Variants in NECTIN1 observed in about 807,000 individuals in gnomAD.
NECTIN1 encodes nectin cell adhesion molecule 1.
Under a neutral mutation model 48.0 loss-of-function variants are expected in NECTIN1, and 23 were observed. The observed-to-expected ratio is 0.48, with a 90% CI of 0.34 to 0.68. NECTIN1 has a LOEUF of 0.68. NECTIN1 is among the 30% of genes least tolerant of loss of function. The pLI is 0.01. For missense variants in NECTIN1, 591 were observed against 709.9 expected, an observed-to-expected ratio of 0.83 and a Z score of 1.90; for synonymous variants, 270 against 288.9, an observed-to-expected ratio of 0.93 and a Z score of 0.66.
At chr11:119,675,631 G>A (rs1049293093) in intron 4 of NECTIN1, 6 of 318,940 alleles carry the variant, frequency 1.9e-5, no homozygotes, top group African/African-American at 6.4e-5. Flanking sequence ...GCCAATTCTC[G>A]GGACTCCTGG....
chr11:119,639,716 C>A (rs922542814), intron 6 of NECTIN1: 7 of 1,038,746 alleles, frequency 6.7e-6, no homozygotes, highest in African/African-American at 1.6e-5. Flanking sequence ...GCTCTTCCTG[C>A]CAAAGGGTTA....
intron 5 of NECTIN1, among the ~76,000 whole-genome samples, chr11:119,646,580 C>A (rs776711885): frequency 5.3e-5 from 8 of 152,124 alleles, no homozygotes; most frequent in Non-Finnish European, 8.8e-5. Flanking sequence ...GATGCCCCCA[C>A]CCCTTTGAGT....
At chr11:119,699,417 G>A (rs1227866549) in intron 1 of NECTIN1, among the ~76,000 whole-genome samples, 2 of 152,130 alleles carry the variant, frequency 1.3e-5, no homozygotes, top group Non-Finnish European at 2.9e-5. Flanking sequence ...CCCTCTCTCT[G>A]CGTCCTTCTC....
intron 1 of NECTIN1, among the ~76,000 whole-genome samples, chr11:119,688,321 C>A (rs537713215): frequency 1.3e-5 from 2 of 152,268 alleles, no homozygotes; most frequent in East Asian, 1.9e-4. Flanking sequence ...AAATCACGTG[C>A]TCTGGTTCCC....
intron 1 of NECTIN1, among the ~76,000 whole-genome samples, chr11:119,720,491 A>C (rs1487646564): frequency 6.6e-6 from 1 of 152,262 alleles, no homozygotes; most frequent in African/African-American, 2.4e-5. Context: ...GCACCTGCGA[A>C]AGCGTGGGCT....
intron 1 of NECTIN1, among the ~76,000 whole-genome samples, chr11:119,718,560 G>C (rs1452484720): frequency 1.1e-4 from 16 of 152,228 alleles, no homozygotes; most frequent in African/African-American, 2.9e-4. Flanking sequence ...CATAGGATCA[G>C]CTTGCTGAGC....
rs1565376384 is a variant in NECTIN1 at position 119,648,268 on chromosome 11, G to GTGGTGGTGGTGA, written c.1004-8257_1004-8256insTCACCACCACCA. 1.8e-4 allele frequency among the ~76,000 whole-genome samples: 4 copies of GTGGTGGTGGTGA among 21,760 alleles called. 1 individual carries two copies. The highest frequency in any genetic ancestry group is 6.4e-4 in the Admixed American group (1 of 1,566). 14.3% of individuals were successfully genotyped at this position (21,760 alleles called of 152,430 possible). A position where few individuals can be genotyped will look rare whatever the true frequency, so the allele number is the denominator to read the frequency against. ...GGTGGTGATAGAGGTGGTAATAGTG[G>GTGGTGGTGGTGA]TGGTGGTGATGGTGGTGGTGATGGT... On this transcript the variant is annotated intron_variant, in intron 5 of 7. Coordinates refer to the NECTIN1 transcript ENST00000341398.
At chr11:119,685,321 G>C (rs1278234596) in intron 1 of NECTIN1, among the ~76,000 whole-genome samples, 2 of 152,268 alleles carry the variant, frequency 1.3e-5, no homozygotes, top group African/African-American at 2.4e-5. Context: ...ATGATGGGCT[G>C]TGGAGCTGGC....
At chr11:119,657,941 A>AAAG (rs61056818), downstream of NECTIN1, among the ~76,000 whole-genome samples, 18 of 144,790 alleles carry the variant, frequency 1.2e-4, no homozygotes, top group Non-Finnish European at 2.4e-4. Context: ...AAAAAAAAAA[A>AAAG]GTCTGTCTAG....
Position 119,664,388 on chromosome 11 carries a change from G to A in NECTIN1, c.*359C>T. 9.3e-7 allele frequency: 1 copy of A among 1,073,014 alleles called. No individual in the cohort carries two copies. Among genetic ancestry groups the A allele is most frequent in the Non-Finnish European group, 1.1e-6 (1 of 884,818 alleles). The allele number at this position is 1,073,014 out of a possible 1,614,324, so 66.5% of individuals were successfully genotyped here. Reference sequence around the variant, plus strand: ...AGAAACACAAACAAATTCCAGTGTAGGGGGGCGGGGGAGGCTGGCTCCCCA... The same window carrying A: ...AGAAACACAAACAAATTCCAGTGTAAGGGGGCGGGGGAGGCTGGCTCCCCA... On this transcript the variant is annotated 3_prime_UTR_variant, in exon 6 of 6. Coordinates refer to ENST00000264025, the MANE Select transcript of NECTIN1 (RefSeq NM_002855.5).
At chr11:119,669,506 T>C (rs917866613) in intron 5 of NECTIN1, among the ~76,000 whole-genome samples, 34 of 152,286 alleles carry the variant, frequency 2.2e-4, no homozygotes, top group African/African-American at 7.9e-4. Context: ...TCATCTGGAT[T>C]ATTGATTGCA....
intron 1 of NECTIN1, among the ~76,000 whole-genome samples, chr11:119,719,514 T>C (rs1249124998): frequency 6.6e-6 from 1 of 152,224 alleles, no homozygotes; most frequent in East Asian, 1.9e-4. Flanking sequence ...TTTTTCCATA[T>C]ATAAAACTGG....
intron 1 of NECTIN1, among the ~76,000 whole-genome samples, chr11:119,720,673 G>A (rs913873498): frequency 6.6e-6 from 1 of 152,368 alleles, no homozygotes; most frequent in South Asian, 2.1e-4. Context: ...CCATGGCGGC[G>A]TTCTGATGAC....
intron 1 of NECTIN1, among the ~76,000 whole-genome samples, chr11:119,711,132 G>C (rs998928752): frequency 1.3e-5 from 2 of 150,592 alleles, no homozygotes; most frequent in African/African-American, 4.9e-5. Context: ...GCTCATGCCT[G>C]TAATCCCAGC....
In NECTIN1 at chr11:119,677,249, G is replaced by A. The variant is rs1223134982; in HGVS notation, c.734-30C>T. ...GGGGCAAGGGATGTTTGAAGAGGGT[G>A]AGGTCAGGAGAGCGGGACTTAGAAC... is the stretch of plus-strand genomic sequence containing the variant. On this transcript the variant is annotated intron_variant, in intron 3 of 5. Transcript: ENST00000264025. The surrounding 1 kb of genome is among the most constrained non-coding windows in gnomAD (Gnocchi z 5.4). 4.5e-6 allele frequency: 7 copies of A among 1,572,568 alleles called. No homozygotes were observed. Among genetic ancestry groups the A allele is most frequent in the African/African-American group, 1.3e-5 (1 of 74,204 alleles).
rs181030015 is a variant in NECTIN1 at position 119,701,937 on chromosome 11, A to G, written c.80-23172T>C. ...ACATTAAGCTGTCAAACCACTCCCA[A>G]TTATCTCCCTCTATGCCCGCCGGCT... On this transcript the variant is annotated intron_variant, in intron 1 of 5. Coordinates refer to ENST00000264025, the MANE Select transcript of NECTIN1 (RefSeq NM_002855.5). Among the ~76,000 whole-genome samples, 401 of 152,098 alleles carry G rather than the reference A, an allele frequency of 2.6e-3. 1 individual carries two copies. The highest frequency in any genetic ancestry group is 8.3e-3 in the African/African-American group (345 of 41,484).
rs1865937007 is a variant in NECTIN1, at chr11:119,727,834, C to T, written c.79+641G>A. On this transcript the variant is annotated intron_variant, in intron 1 of 5. Transcript: ENST00000264025. The surrounding 1 kb of genome is among the most constrained non-coding windows in gnomAD (Gnocchi z 4.1). The stretch of plus-strand genomic sequence containing the variant: ...GCCCCCAGAGCTGGGAGCAGAGTTC[C>T]GAGGGGGAGCCCGGTCCCGCGCCAG... 6.6e-6 allele frequency among the ~76,000 whole-genome samples: 1 copy of T among 152,186 alleles called. No homozygotes were observed. Among genetic ancestry groups the T allele is most frequent in the Non-Finnish European group, 1.5e-5 (1 of 68,008 alleles).
chr11:119,700,638 G>C (rs916305380), intron 1 of NECTIN1, among the ~76,000 whole-genome samples: 13 of 152,228 alleles, frequency 8.5e-5, no homozygotes, highest in African/African-American at 3.1e-4. Flanking sequence ...CCAGGGTCCT[G>C]TAGCTCAGCG....
chr11:119,693,647 G>A (rs1865298773), intron 1 of NECTIN1, among the ~76,000 whole-genome samples: 1 of 152,182 alleles, frequency 6.6e-6, no homozygotes, highest in Non-Finnish European at 1.5e-5. Context: ...ACCCCTCCCT[G>A]AGTTGGGGCA....
Sources: gnomAD v4.1 joint callset for allele counts (sites outside exome capture counted in the v4.1 genomes callset) on GRCh38, gnomAD v4.1.1 for gene constraint, Gnocchi (gnomAD v3.1) non-coding constraint, MANE v1.5 for transcripts, NCBI Gene and HGNC (gene_info 2026-07-23, HGNC 2026-07-21) for gene names.